UBE4A: variants seen among roughly 807,000 people sequenced by gnomAD.
UBE4A encodes ubiquitination factor E4A, also known as ubiquitin conjugation factor E4 A.
Under a neutral mutation model 117.9 loss-of-function variants are expected in UBE4A, and 48 were observed. The observed-to-expected ratio is 0.41, with a 90% CI of 0.32 to 0.52. The LOEUF is 0.52. UBE4A is among the 20% of genes least tolerant of loss of function. UBE4A has a pLI of 0.33. For missense variants in UBE4A, 1,067 were observed against 1,296.3 expected (o/e 0.82, Z 2.72); for synonymous variants, 407 against 450.0 (o/e 0.90, Z 1.21).
Position 118,371,809 on chromosome 11 carries a change from T to A in UBE4A, c.561+143T>A, listed in dbSNP as rs181053774. On this transcript the variant is annotated intron_variant, in intron 5 of 19. Coordinates refer to ENST00000252108, the MANE Select transcript of UBE4A (RefSeq NM_001204077.2). ...TGAATATCAGGGACACTAAAGCTTT[T>A]ATATCAATTTATATATGTCATAGTA... is the stretch of plus-strand genomic sequence containing the variant. The A allele has an allele frequency of 2.6e-4, 208 of 785,060 alleles. No homozygotes were observed. The East Asian group carries it at 5.6e-3, about 21-fold the overall frequency. The allele number at this position is 785,060 out of a possible 1,614,324, so 48.6% of individuals were successfully genotyped here.
rs182432513 is a variant in UBE4A, at chr11:118,363,263, C to T, written c.-41-1777C>T. On this transcript the variant is annotated intron_variant, in intron 1 of 19. Transcript: ENST00000252108. Reference sequence around the variant, plus strand: ...TAGCAAAAAATAAAATACAGAAGGCCAGGCGCAGTGACTCATGCCTATAAT... The same window carrying T: ...TAGCAAAAAATAAAATACAGAAGGCTAGGCGCAGTGACTCATGCCTATAAT... 1.8e-3 allele frequency among the ~76,000 whole-genome samples: 271 copies of T among 152,206 alleles called. 2 individuals are homozygous for T. Among genetic ancestry groups the T allele is most frequent in the African/African-American group, 6.4e-3 (264 of 41,532 alleles).
At position 118,375,078 on chromosome 11, in the gene UBE4A, T is replaced by C; in HGVS notation, c.1299T>C (p.Ala433=). 5 of 1,614,232 alleles carry C rather than the reference T, an allele frequency of 3.1e-6. No individual in the cohort carries two copies. The highest frequency in any genetic ancestry group is 4.2e-6 in the Non-Finnish European group (5 of 1,180,042). The change falls in exon 9 of 20, where the codon GCT becomes GCC. Residue 433 remains alanine (A), a synonymous_variant. Coordinates refer to ENST00000252108, the MANE Select transcript of UBE4A (RefSeq NM_001204077.2). ...TTTTCCAAATGTATGCCTCAGATGC[T>C]TTCTTTCTGAATCTGGGTGCTGCTC... ...EIFFQMYASD[A]FFLNLGAALL...
Position 118,372,624 on chromosome 11 carries a change from G to T in UBE4A, c.679G>T (p.Glu227Ter). Reference sequence around the variant, plus strand: ...GATCTATGTTGACCAAAACATCCATGAGCAACTGGTAGATTTGATGTTAGA... The same window carrying T: ...GATCTATGTTGACCAAAACATCCATTAGCAACTGGTAGATTTGATGTTAGA... ...PEIYVDQNIH[E>*]QLVDLMLEAI... The change falls in exon 6 of 20, where the codon GAG (glutamate) becomes TAG (stop). Residue 227 changes from glutamate (E) to a stop codon, truncating the protein, a stop_gained. Coordinates refer to ENST00000252108, the MANE Select transcript of UBE4A (RefSeq NM_001204077.2). LOFTEE classifies it high-confidence loss of function. The T allele has an allele frequency of 6.2e-7, 1 of 1,614,154 alleles. No individual in the cohort carries two copies. The highest frequency in any genetic ancestry group is 8.5e-7 in the Non-Finnish European group (1 of 1,180,024).
intron 18 of UBE4A, among the ~76,000 whole-genome samples, chr11:118,392,308 T>G (rs956043956): frequency 6.6e-6 from 1 of 152,226 alleles, no homozygotes; most frequent in African/African-American, 2.4e-5. Context: ...TATACCTGTT[T>G]GTATCAAAAA....
intron 16 of UBE4A, among the ~76,000 whole-genome samples, chr11:118,389,231 C>T (rs553596651): frequency 5.3e-5 from 8 of 152,312 alleles, no homozygotes; most frequent in African/African-American, 1.9e-4. Flanking sequence ...TAACTAGCCA[C>T]ATGTGGCTAG....
In UBE4A at chr11:118,397,855, C is replaced by CAG. The variant is rs1948889542; in HGVS notation, c.*1416_*1417dup. On this transcript the variant is annotated 3_prime_UTR_variant, in exon 20 of 20. Transcript: ENST00000252108. ...GTCCTTGATGGGTTTTTGATTGCAT[C>CAG]AGCTGGAAAGCCTCAAATCTAAGAG... 1.3e-5 allele frequency: 2 copies of CAG among 152,044 alleles called. No individual in the cohort carries two copies. The highest frequency in any genetic ancestry group is 4.1e-4 in the South Asian group (2 of 4,828). The allele number at this position is 152,044 out of a possible 1,614,324, so 9.4% of individuals were successfully genotyped here. A position where few individuals can be genotyped will look rare whatever the true frequency, so the allele number is the denominator to read the frequency against.
chr11:118,375,071 C>T lies in UBE4A; in HGVS notation c.1292C>T (p.Ser431Leu), dbSNP rs1191192006. The T allele has an allele frequency of 1.9e-6, 3 of 1,614,092 alleles. No homozygotes were observed. The East Asian group carries it at 6.7e-5, about 36-fold the overall frequency. ...GAAATCTTTTTCCAAATGTATGCCT[C>T]AGATGCTTTCTTTCTGAATCTGGGT... ...MPEIFFQMYA[S>L]DAFFLNLGAA... is the part of the protein sequence containing the mutation. Residue 431 changes from serine to leucine, a missense_variant, in exon 9 of 20, where the codon TCA becomes TTA. This residue lies in a region of UBE4A where 1,001 missense variants were observed against 1,184.0 expected (regional missense o/e 0.85). Transcript: ENST00000252108.
At chr11:118,385,818 T>C (rs1555127116) in intron 15 of UBE4A, among the ~76,000 whole-genome samples, 1 of 152,198 alleles carries the variant, frequency 6.6e-6, no homozygotes, top group Non-Finnish European at 1.5e-5. Context: ...CTTTAGGATT[T>C]AAGATAGGTT....
chr11:118,389,584 T>TA (rs1948793395), intron 16 of UBE4A, 141 bp from the exon 17 acceptor site: 4 of 810,008 alleles, frequency 4.9e-6, no homozygotes, highest in Non-Finnish European at 6.9e-6. Flanking sequence ...ATGAATTACT[T>TA]AGTTTTTTAA....
chr11:118,392,893 C>T lies in UBE4A; in HGVS notation c.3072C>T (p.Leu1024=), dbSNP rs61760195. The part of the protein sequence containing the change: ...VDRSTIARHL[L]SDQTDPFNRS... ...GATCCACCATTGCAAGACATTTGCT[C>T]AGGTAGGCCAGTCCCAAAAACAGAC... Residue 1024 remains leucine (L), a splice_region_variant and synonymous_variant, in exon 19 of 20, where the codon CTC becomes CTT. Coordinates refer to ENST00000252108, the MANE Select transcript of UBE4A (RefSeq NM_001204077.2). 2.7e-3 allele frequency: 4,367 copies of T among 1,612,444 alleles called. 14 individuals carry two copies. The highest frequency in any genetic ancestry group is 3.1e-3 in the Non-Finnish European group (3,639 of 1,179,526).
Position 118,391,520 on chromosome 11 carries a change from C to A in UBE4A, c.2916+716C>A, listed in dbSNP as rs572004147. On this transcript the variant is annotated intron_variant, in intron 18 of 19. Coordinates refer to ENST00000252108, the MANE Select transcript of UBE4A (RefSeq NM_001204077.2). ...AGAAAAAAGAAATTTAAGGGCCAGG[C>A]GCGGTGGCTCACGCCTGTAATCCTA... 3.4e-5 allele frequency among the ~76,000 whole-genome samples: 5 copies of A among 148,938 alleles called. No individual in the cohort carries two copies. In the South Asian group the frequency reaches 1.1e-3, roughly 32 times the overall value.
In UBE4A at chr11:118,371,501, G is replaced by T; in HGVS notation, c.409-13G>T. 1 of 1,593,488 alleles carries T rather than the reference G, an allele frequency of 6.3e-7. No homozygotes were observed. Among genetic ancestry groups the T allele is most frequent in the African/African-American group, 1.4e-5 (1 of 73,966 alleles). The stretch of plus-strand genomic sequence containing the variant: ...TGCAATAGTTTAGTATTTTTGTTTG[G>T]TTTTCTTTATAGGCCCTCTTCGCTC... On this transcript the variant is annotated splice_polypyrimidine_tract_variant and intron_variant, in intron 4 of 19. Coordinates refer to ENST00000252108, the MANE Select transcript of UBE4A (RefSeq NM_001204077.2).
At chr11:118,374,775 CAG>C in intron 8 of UBE4A, 119 bp from the exon 9 acceptor site, 1 of 920,772 alleles carries the variant, frequency 1.1e-6, no homozygotes, top group Non-Finnish European at 1.5e-6. Context: ...GGATGAGGCA[CAG>C]AGAGTGAGGG....
At chr11:118,376,313 A>G (rs1468524662) in intron 9 of UBE4A, among the ~76,000 whole-genome samples, 6 of 152,252 alleles carry the variant, frequency 3.9e-5, no homozygotes, top group Non-Finnish European at 7.3e-5. Flanking sequence ...AAAGCACAAA[A>G]TAAATACAAA....
At position 118,374,877 on chromosome 11, in the gene UBE4A, G is replaced by A. The variant is rs782725018; in HGVS notation, c.1117-19G>A. 7 of 1,490,532 alleles carry A rather than the reference G, an allele frequency of 4.7e-6. No homozygotes were observed. Among genetic ancestry groups the A allele is most frequent in the Non-Finnish European group, 6.3e-6 (7 of 1,117,652 alleles). The allele number at this position is 1,490,532 out of a possible 1,614,324, so 92.3% of individuals were successfully genotyped here. A position where few individuals can be genotyped will look rare whatever the true frequency, so the allele number is the denominator to read the frequency against. ...TAGGATTGTGAAACGTTCTGTGGTT[G>A]TGTTTTCTGGTTGAACAGTTCATGG... is the stretch of plus-strand genomic sequence containing the variant. On this transcript the variant is annotated intron_variant, in intron 8 of 19. Transcript: ENST00000252108.
At chr11:118,376,821 A>T (rs1251468635) in intron 10 of UBE4A, 127 bp downstream of exon 10, 17 of 1,162,026 alleles carry the variant, frequency 1.5e-5, no homozygotes, top group Non-Finnish European at 1.9e-5. Context: ...AGGCCAAGGC[A>T]GAAGGATTGC....
chr11:118,383,179 T>C (rs915552710), intron 13 of UBE4A, among the ~76,000 whole-genome samples: 6 of 152,164 alleles, frequency 3.9e-5, no homozygotes, highest in African/African-American at 1.4e-4. Flanking sequence ...TATTTGGGTC[T>C]TTATATTTCT....
intron 11 of UBE4A, among the ~76,000 whole-genome samples, chr11:118,380,811 C>T (rs1325494751): frequency 6.6e-6 from 1 of 152,126 alleles, no homozygotes; most frequent in East Asian, 1.9e-4. Context: ...CTTTTCTAGG[C>T]CATGTATGTG....
chr11:118,383,215 A>G (rs1948722322), intron 13 of UBE4A, among the ~76,000 whole-genome samples: 1 of 152,160 alleles, frequency 6.6e-6, no homozygotes, highest in African/African-American at 2.4e-5. Flanking sequence ...AGAATAGTGC[A>G]TAAAGAGGCA....
Sources: gnomAD v4.1 joint callset for allele counts (sites outside exome capture counted in the v4.1 genomes callset) on GRCh38, gnomAD v4.1.1 for gene constraint, gnomAD v4.1.1 regional missense constraint, MANE v1.5 for transcripts, NCBI Gene and HGNC (gene_info 2026-07-23, HGNC 2026-07-21) for gene names.